TMEM132E: variants seen among roughly 807,000 people sequenced by gnomAD.
The protein encoded by TMEM132E is transmembrane protein 132E.
Under a neutral mutation model 78.5 loss-of-function variants are expected in TMEM132E, and 49 were observed. The ratio of observed to expected loss-of-function variants is 0.62; its 90% CI spans 0.50 to 0.79. The LOEUF (loss-of-function observed/expected upper bound fraction) is 0.79. Ranked by LOEUF, TMEM132E falls within the 30% of genes least tolerant of loss-of-function variation. The pLI is 0.00. For synonymous variants in TMEM132E, 715 were observed against 670.6 expected, an observed-to-expected ratio of 1.07 and a Z score of -1.02; for missense variants, 1,403 against 1,470.9, an observed-to-expected ratio of 0.95 and a Z score of 0.75.
intron 1 of TMEM132E, among the ~76,000 whole-genome samples, chr17:34,612,400 G>A (rs1567715698): frequency 6.6e-6 from 1 of 152,152 alleles, no homozygotes; most frequent in East Asian, 1.9e-4. Flanking sequence ...CTCCCCAACT[G>A]GAAATGCCCT....
chr17:34,636,059 C>T lies in TMEM132E; in HGVS notation c.2030C>T (p.Thr677Ile), dbSNP rs1337194894. The change falls in exon 8 of 9, where the codon ACT becomes ATT. Residue 677 changes from threonine (T) to isoleucine (I), a missense_variant. By Grantham distance (89) the Thr-to-Ile change is moderately conservative. Coordinates refer to ENST00000631683, the MANE Select transcript of TMEM132E (RefSeq NM_001304438.2). ...CTCGGGGAGACGCTGCTGACGGTGA[C>T]TGAGGAGAAGGTCAGCATCACACAG... The part of the protein sequence containing the change: ...AVLGETLLTV[T>I]EEKVSITQLQ... 6.3e-7 allele frequency: 1 copy of T among 1,578,404 alleles called. No individual in the cohort carries two copies. The highest frequency in any genetic ancestry group is 1.8e-5 in the Admixed American group (1 of 54,886).
chr17:34,594,744 C>T (rs1481563251), intron 1 of TMEM132E, among the ~76,000 whole-genome samples: 1 of 152,168 alleles, frequency 6.6e-6, no homozygotes, highest in African/African-American at 2.4e-5. Flanking sequence ...AGGTGCATGC[C>T]ACCATGCCCA....
intron 1 of TMEM132E, among the ~76,000 whole-genome samples, chr17:34,588,764 C>T (rs142543469): frequency 1.6e-3 from 245 of 152,162 alleles, no homozygotes; most frequent in African/African-American, 5.5e-3. Context: ...TTTTCTGAGA[C>T]GGAGTCTCAC....
Position 34,638,343 on chromosome 17 carries a change from A to G in TMEM132E, c.*111A>G. On this transcript the variant is annotated 3_prime_UTR_variant, in exon 9 of 9. Transcript: ENST00000631683. ...CTCTGGGCGGCTGAATTGATTTTGT[A>G]CTCCCTGCCCCTGCAGCTTGGCTCC... 1 of 1,184,212 alleles carries G rather than the reference A, an allele frequency of 8.4e-7. No individual in the cohort carries two copies. Among genetic ancestry groups the G allele is most frequent in the East Asian group, 2.7e-5 (1 of 37,504 alleles). 73.4% of individuals were successfully genotyped at this position (1,184,212 alleles called of 1,614,324 possible).
Position 34,637,865 on chromosome 17 carries a change from C to T in TMEM132E, c.2858C>T (p.Pro953Leu). 1 of 1,608,906 alleles carries T rather than the reference C, an allele frequency of 6.2e-7. No individual in the cohort carries two copies. Among genetic ancestry groups the T allele is most frequent in the Non-Finnish European group, 8.5e-7 (1 of 1,178,710 alleles). Reference protein sequence around the residue: ...PLRVQGELSPPAGNPLETVPA... With the variant: ...PLRVQGELSPLAGNPLETVPA... ...CGGGTGCAAGGAGAGCTGTCGCCGC[C>T]AGCAGGCAACCCGCTGGAAACCGTG... Residue 953 changes from proline (P) to leucine (L), a missense_variant, in exon 9 of 9, where the codon CCA becomes CTA. Pro to Leu is a moderately conservative substitution (Grantham distance 98). Transcript: ENST00000631683.
chr17:34,586,637 G>C (rs2142049016), intron 1 of TMEM132E, among the ~76,000 whole-genome samples: 1 of 152,090 alleles, frequency 6.6e-6, no homozygotes, highest in African/African-American at 2.4e-5. Flanking sequence ...GACCCTTTCA[G>C]CTCCCCACCA....
intron 5 of TMEM132E, among the ~76,000 whole-genome samples, chr17:34,630,467 T>C (rs113111183): frequency 3.9e-5 from 6 of 152,284 alleles, no homozygotes; most frequent in African/African-American, 1.4e-4. Flanking sequence ...TGTAGGAATA[T>C]GAAACAGACA....
At chr17:34,582,919 T>A (rs147037598) in intron 1 of TMEM132E, among the ~76,000 whole-genome samples, 54 of 152,282 alleles carry the variant, frequency 3.5e-4, no homozygotes, top group African/African-American at 1.2e-3. Flanking sequence ...TCAAACTCTG[T>A]CATTAGGGTC....
intron 1 of TMEM132E, among the ~76,000 whole-genome samples, chr17:34,589,895 A>G (rs1164603657): frequency 6.6e-6 from 1 of 152,164 alleles, no homozygotes; most frequent in East Asian, 1.9e-4. Context: ...GAACTATTGG[A>G]TTGGAAATAG....
chr17:34,616,437 C>G (rs1054303472), intron 1 of TMEM132E, among the ~76,000 whole-genome samples: 2 of 152,216 alleles, frequency 1.3e-5, no homozygotes, highest in African/African-American at 4.8e-5. Flanking sequence ...CACCCACCCA[C>G]TGAGGGAGTG....
At chr17:34,616,179 C>G (rs1383003542) in intron 1 of TMEM132E, among the ~76,000 whole-genome samples, 7 of 152,168 alleles carry the variant, frequency 4.6e-5, no homozygotes, top group Admixed American at 4.6e-4. Context: ...GAAACCAGAG[C>G]TGCTGGGAGT....
chr17:34,637,233 C>T lies in TMEM132E; in HGVS notation c.2226C>T (p.Ser742=). The stretch of plus-strand genomic sequence containing the variant: ...GTGATGGCACCACAGCCCCACTCTC[C>T]CTCTACAGCCCACGAGACTATGGAC... ...SYSDGTTAPL[S]LYSPRDYGLL... Residue 742 remains serine, a synonymous_variant, in exon 9 of 9, where the codon TCC becomes TCT. Coordinates refer to ENST00000631683, the MANE Select transcript of TMEM132E (RefSeq NM_001304438.2). 1 of 1,613,460 alleles carries T rather than the reference C, an allele frequency of 6.2e-7. No individual in the cohort carries two copies. The highest frequency in any genetic ancestry group is 8.5e-7 in the Non-Finnish European group (1 of 1,179,556).
At chr17:34,593,069 T>C (rs537338820) in intron 1 of TMEM132E, among the ~76,000 whole-genome samples, 2 of 151,086 alleles carry the variant, frequency 1.3e-5, no homozygotes, top group South Asian at 2.1e-4. Context: ...GAATTAATTT[T>C]AATAGTATGT....
chr17:34,579,648 G>C lies in TMEM132E; in HGVS notation c.-1429G>C, dbSNP rs549650985. On this transcript the variant is annotated 5_prime_UTR_variant, in exon 1 of 9. Transcript: ENST00000631683. ...CGGCGACGGCGGCGGCGGCTGCTTC[G>C]TGCAACTGTGGCTTCCCCCACCTCC... 6.2e-6 allele frequency: 1 copy of C among 160,398 alleles called. No homozygotes were observed. The highest frequency in any genetic ancestry group is 1.8e-4 in the South Asian group (1 of 5,594). The allele number at this position is 160,398 out of a possible 1,614,324, so 9.9% of individuals were successfully genotyped here. A position where few individuals can be genotyped will look rare whatever the true frequency, so the allele number is the denominator to read the frequency against.
At chr17:34,629,952 G>A (rs2142083023) in intron 4 of TMEM132E, 56 bp from the exon 5 acceptor site, 1 of 1,531,910 alleles carries the variant, frequency 6.5e-7, no homozygotes, top group South Asian at 1.3e-5. Flanking sequence ...CTTGGCTAGT[G>A]TGTCCCAGGA....
intron 6 of TMEM132E, among the ~76,000 whole-genome samples, chr17:34,634,436 T>C (rs1418136772): frequency 1.3e-5 from 2 of 152,248 alleles, no homozygotes; most frequent in African/African-American, 4.8e-5. Flanking sequence ...TCTGGCATTC[T>C]GTAAGAAGGA....
intron 1 of TMEM132E, among the ~76,000 whole-genome samples, chr17:34,604,154 G>A (rs1344775440): frequency 6.6e-6 from 1 of 152,180 alleles, no homozygotes; most frequent in Non-Finnish European, 1.5e-5. Flanking sequence ...CTCAGAGAAG[G>A]CAGTAACATG....
chr17:34,617,018 T>C (rs1415340979), intron 1 of TMEM132E, among the ~76,000 whole-genome samples: 1 of 152,224 alleles, frequency 6.6e-6, no homozygotes, highest in East Asian at 1.9e-4. Context: ...TCAATAGTAT[T>C]ATACATAGAG....
intron 1 of TMEM132E, among the ~76,000 whole-genome samples, chr17:34,588,248 C>T (rs1158319434): frequency 6.6e-6 from 1 of 152,196 alleles, no homozygotes; most frequent in African/African-American, 2.4e-5. Context: ...TTCCTGGAAG[C>T]CCATCCCTAT....
Sources: allele counts gnomAD v4.1 joint callset (sites outside exome capture counted in the v4.1 genomes callset), GRCh38; gene constraint gnomAD v4.1.1; transcripts MANE v1.5; gene names NCBI Gene and HGNC (gene_info 2026-07-23, HGNC 2026-07-21).